ADCY5: variants seen among roughly 807,000 people sequenced by gnomAD.
ADCY5 encodes adenylate cyclase type 5.
In ADCY5, 30 loss-of-function variants were observed where a neutral mutation model predicts 119.7. The observed-to-expected ratio is 0.25, with a 90% CI of 0.19 to 0.34. ADCY5 has a LOEUF of 0.34. Among genes scored for constraint, ADCY5 ranks in the 10% least tolerant of loss-of-function variants. ADCY5 has a pLI of 1.00. For missense variants in ADCY5, 1,324 were observed against 1,775.2 expected (o/e 0.75, Z 4.57); for synonymous variants, 753 against 762.2 (o/e 0.99, Z 0.20).
chr3:123,426,973 C>T (rs1945428613), intron 1 of ADCY5, among the ~76,000 whole-genome samples: 1 of 152,158 alleles, frequency 6.6e-6, no homozygotes, highest in Admixed American at 6.5e-5. Flanking sequence ...AGGAGGAAGG[C>T]CTTTGGGATC....
chr3:123,367,223 A>T (rs1396619222), intron 1 of ADCY5, among the ~76,000 whole-genome samples: 1 of 152,198 alleles, frequency 6.6e-6, no homozygotes. Flanking sequence ...GGAATCACAC[A>T]TACAAAGCAG....
intron 1 of ADCY5, among the ~76,000 whole-genome samples, chr3:123,434,282 A>G (rs1945569453): frequency 6.6e-6 from 1 of 152,232 alleles, no homozygotes; most frequent in Non-Finnish European, 1.5e-5. Flanking sequence ...CTCCAAAACC[A>G]CATCAGCATC....
intron 1 of ADCY5, among the ~76,000 whole-genome samples, chr3:123,402,776 C>T (rs1482989299): frequency 1.3e-5 from 2 of 151,104 alleles, no homozygotes; most frequent in Admixed American, 6.6e-5. Flanking sequence ...TGGCGTGAAC[C>T]CGGGAGGCGG....
At chr3:123,375,252 T>C (rs1943785133) in intron 1 of ADCY5, among the ~76,000 whole-genome samples, 1 of 152,244 alleles carries the variant, frequency 6.6e-6, no homozygotes, top group Non-Finnish European at 1.5e-5. Context: ...AAAGTATGCA[T>C]GAGTGTGTCA....
rs189600380 is a variant in ADCY5, at chr3:123,422,030, C to T, written c.1134+25382G>A. 1.8e-4 allele frequency among the ~76,000 whole-genome samples: 27 copies of T among 152,236 alleles called. No individual in the cohort carries two copies. The East Asian group carries it at 4.8e-3, about 27-fold the overall frequency. ...ATAATCACATTACCCGGTGTTTCTCCCCTGGCCACTCCAGGGACAGCACAG... is the reference window on the plus strand; with the variant it reads ...ATAATCACATTACCCGGTGTTTCTCTCCTGGCCACTCCAGGGACAGCACAG... On this transcript the variant is annotated intron_variant, in intron 1 of 20. Transcript: ENST00000462833.
At chr3:123,297,996 C>A (rs1939624247) in intron 15 of ADCY5, among the ~76,000 whole-genome samples, 2 of 151,858 alleles carry the variant, frequency 1.3e-5, no homozygotes, top group Non-Finnish European at 2.9e-5. Flanking sequence ...ACATAAGTGG[C>A]TTTTTATTTT....
At chr3:123,327,868 C>G (rs996344420) in intron 6 of ADCY5, 109 bp from the exon 7 acceptor site, 1 of 1,314,870 alleles carries the variant, frequency 7.6e-7, no homozygotes, top group Non-Finnish European at 1.1e-6. Flanking sequence ...AATTCAAACC[C>G]TAGGGCCCCA....
At chr3:123,435,994 G>C (rs917697469) in intron 1 of ADCY5, among the ~76,000 whole-genome samples, 1 of 150,596 alleles carries the variant, frequency 6.6e-6, no homozygotes, top group Non-Finnish European at 1.5e-5. Context: ...GGGTTCAAGC[G>C]ATTCTCCTGC....
chr3:123,389,364 G>C (rs1332969177), intron 1 of ADCY5, among the ~76,000 whole-genome samples: 2 of 152,136 alleles, frequency 1.3e-5, no homozygotes, highest in Non-Finnish European at 2.9e-5. Flanking sequence ...TGGTTCAGAA[G>C]AGTTAGGAAC....
At chr3:123,425,650 G>A (rs1235562024) in intron 1 of ADCY5, among the ~76,000 whole-genome samples, 2 of 152,142 alleles carry the variant, frequency 1.3e-5, no homozygotes, top group African/African-American at 4.8e-5. Context: ...GGCTGACCTC[G>A]CCACAGCCTC....
chr3:123,336,736 C>T (rs936810839), intron 3 of ADCY5, among the ~76,000 whole-genome samples: 1 of 152,206 alleles, frequency 6.6e-6, no homozygotes, highest in Admixed American at 6.5e-5. Context: ...TCAGGTGGGC[C>T]AGGCCTCTGC....
At chr3:123,409,519 C>A (rs1454515017) in intron 1 of ADCY5, among the ~76,000 whole-genome samples, 1 of 152,172 alleles carries the variant, frequency 6.6e-6, no homozygotes, top group Non-Finnish European at 1.5e-5. Flanking sequence ...CCTGTCCAAG[C>A]AGCACAGATA....
At chr3:123,397,647 G>C (rs1944640207) in intron 1 of ADCY5, among the ~76,000 whole-genome samples, 1 of 152,200 alleles carries the variant, frequency 6.6e-6, no homozygotes, top group South Asian at 2.1e-4. Flanking sequence ...AATTTTCAAA[G>C]CTCATGTCTG....
chr3:123,293,814 G>A (rs540249144), intron 17 of ADCY5, among the ~76,000 whole-genome samples: 14 of 152,106 alleles, frequency 9.2e-5, no homozygotes, highest in South Asian at 8.3e-4. Context: ...ACGTTTCCAC[G>A]TACGTTTCCA....
chr3:123,284,549 G>A lies in ADCY5; in HGVS notation c.*59C>T, dbSNP rs374888277. 6.2e-7 allele frequency: 1 copy of A among 1,606,302 alleles called. No homozygotes were observed. Among genetic ancestry groups the A allele is most frequent in the African/African-American group, 1.3e-5 (1 of 74,964 alleles). On this transcript the variant is annotated 3_prime_UTR_variant, in exon 21 of 21. Transcript: ENST00000462833. ...GCTTCCCCGCCACCCCCGGCACACAGAGAAGCTGCTTCCATGCCTCTGGAG... is the reference window on the plus strand; with the variant it reads ...GCTTCCCCGCCACCCCCGGCACACAAAGAAGCTGCTTCCATGCCTCTGGAG...
intron 1 of ADCY5, among the ~76,000 whole-genome samples, chr3:123,399,136 G>C (rs1175196590): frequency 6.6e-6 from 1 of 152,202 alleles, no homozygotes; most frequent in Non-Finnish European, 1.5e-5. Context: ...CTGCCCAGTG[G>C]AGCTCTCTGC....
chr3:123,422,019 C>T (rs1337729781), intron 1 of ADCY5, among the ~76,000 whole-genome samples: 3 of 152,118 alleles, frequency 2.0e-5, no homozygotes, highest in African/African-American at 4.8e-5. Flanking sequence ...TCACATTACC[C>T]GGTGTTTCTC....
At chr3:123,444,961 C>A (rs1945787300) in intron 1 of ADCY5, among the ~76,000 whole-genome samples, 1 of 152,148 alleles carries the variant, frequency 6.6e-6, no homozygotes, top group South Asian at 2.1e-4. Flanking sequence ...CTGGACTTCC[C>A]CCACCAGCCA....
chr3:123,378,720 G>A (rs1292683139), intron 1 of ADCY5, among the ~76,000 whole-genome samples: 2 of 152,200 alleles, frequency 1.3e-5, no homozygotes, highest in Non-Finnish European at 2.9e-5. Context: ...GCATGGAGGG[G>A]AAGCCCTGGC....
Sources: gnomAD v4.1 joint callset for allele counts (sites outside exome capture counted in the v4.1 genomes callset) on GRCh38, gnomAD v4.1.1 for gene constraint, MANE v1.5 for transcripts, NCBI Gene and HGNC (gene_info 2026-07-23, HGNC 2026-07-21) for gene names.